Variants in WDR83 observed in about 807,000 individuals in gnomAD.
WDR83 encodes WD repeat domain-containing protein 83.
WDR83 carries 37 observed loss-of-function variants against 37.7 expected under a neutral mutation model. The observed-to-expected ratio is 0.98, with a 90% CI of 0.76 to 1.29. The LOEUF is 1.29. Ranked by LOEUF, WDR83 falls within the 50% of genes most tolerant of loss-of-function variation. The probability of loss-of-function intolerance (pLI) is 0.00; values close to 1 mark genes in which losing one functional copy is unlikely to be tolerated. For missense variants in WDR83, 445 were observed against 414.4 expected (o/e 1.07, Z -0.64); for synonymous variants, 174 against 181.1 (o/e 0.96, Z 0.31).
chr19:12,675,461 G>T, intron 10 of WDR83, 62 bp from the exon 11 acceptor site: 1 of 1,567,574 alleles, frequency 6.4e-7, no homozygotes, highest in Non-Finnish European at 8.6e-7. Flanking sequence ...GGTGCCCAGG[G>T]ACCTCAGAAA....
intron 10 of WDR83, among the ~76,000 whole-genome samples, chr19:12,674,885 G>C (rs1005723705): frequency 1.3e-5 from 2 of 152,016 alleles, no homozygotes; most frequent in Non-Finnish European, 2.9e-5. Flanking sequence ...GGAGGCCGAG[G>C]GGGGTGGATC....
Position 12,668,338 on chromosome 19 carries a change from T to C in WDR83, c.-156-170T>C. 1.9e-6 allele frequency: 3 copies of C among 1,604,772 alleles called. 1 individual carries two copies. The highest frequency in any genetic ancestry group is 2.2e-5 in the South Asian group (2 of 89,294). On this transcript the variant is annotated intron_variant, in intron 1 of 10. Coordinates refer to ENST00000418543, the MANE Select transcript of WDR83 (RefSeq NM_001099737.3). ...CCTAGTGGATAGACAGGGTCCAAAA[T>C]GTGACCCTTCTAGGCTGGTATCACC...
chr19:12,668,866 C>T (rs148273250), intron 2 of WDR83, among the ~76,000 whole-genome samples: 14 of 152,278 alleles, frequency 9.2e-5, no homozygotes, highest in South Asian at 2.1e-4. Context: ...AAGACCCTGC[C>T]CTTTTTCCAC....
At position 12,670,091 on chromosome 19, in the gene WDR83, C is replaced by A. The variant is rs1344221052; in HGVS notation, c.218C>A (p.Ala73Glu). The A allele has an allele frequency of 2.5e-6, 4 of 1,609,752 alleles. No individual in the cohort carries two copies. The highest frequency in any genetic ancestry group is 3.4e-6 in the Non-Finnish European group (4 of 1,177,252). Residue 73 changes from alanine (A) to glutamate (E), a missense_variant, in exon 4 of 11, where the codon GCG becomes GAG. Ala to Glu is a moderately radical substitution (Grantham distance 107). Transcript: ENST00000418543. ...GGCCACGGCTACGAGGTGCTGGATG[C>A]GGCCGGGTGAGCCGGGGACCAGGCT... The part of the protein sequence containing the change: ...YSGHGYEVLD[A>E]AGSFDNSSLC...
chr19:12,670,653 T>TCCCC, intron 6 of WDR83, 42 bp downstream of exon 6: 4 of 1,614,044 alleles, frequency 2.5e-6, no homozygotes, highest in Non-Finnish European at 3.4e-6. Flanking sequence ...GGTGCTGCCC[T>TCCCC]CCCCCTCCAA....
chr19:12,670,379 C>T, intron 5 of WDR83, 94 bp downstream of exon 5: 1 of 1,517,614 alleles, frequency 6.6e-7, no homozygotes, highest in Non-Finnish European at 9.0e-7. Context: ...CCGTAAGGAT[C>T]CCTTCCCCAG....
chr19:12,673,199 T>G lies in WDR83; in HGVS notation c.684-3T>G. 1 of 1,613,940 alleles carries G rather than the reference T, an allele frequency of 6.2e-7. No homozygotes were observed. The highest frequency in any genetic ancestry group is 8.5e-7 in the Non-Finnish European group (1 of 1,179,974). On this transcript the variant is annotated splice_polypyrimidine_tract_variant and splice_region_variant and intron_variant, in intron 9 of 10. Coordinates refer to ENST00000418543, the MANE Select transcript of WDR83 (RefSeq NM_001099737.3). ...CAAGCCCCCCGATCCTGTCCACCCT[T>G]AGGTACAAGGGCCATAAGAACCAGG...
chr19:12,669,155 G>A (rs1312231125), intron 2 of WDR83: 6 of 1,614,166 alleles, frequency 3.7e-6, no homozygotes, highest in Admixed American at 1.7e-5. Flanking sequence ...ACATGCTGAA[G>A]ATCATGCCCA....
chr19:12,674,797 C>T (rs1435844891), intron 10 of WDR83, among the ~76,000 whole-genome samples: 1 of 152,028 alleles, frequency 6.6e-6, no homozygotes, highest in African/African-American at 2.4e-5. Context: ...AGAGGAATAA[C>T]TGATAGAGGA....
chr19:12,675,608 C>T lies in WDR83; in HGVS notation c.884C>T (p.Ala295Val). Reference protein sequence around the residue: ...YHPTEPCLLTAMGGSVQCWRE... With the variant: ...YHPTEPCLLTVMGGSVQCWRE... ...CCAACAGAGCCCTGCCTGCTGACCG[C>T]CATGGGAGGCAGCGTCCAGTGCTGG... The change falls in exon 11 of 11, where the codon GCC becomes GTC. Residue 295 changes from alanine (A) to valine (V), a missense_variant. Physicochemically the swap from Ala to Val is moderately conservative, Grantham distance 64. Coordinates refer to ENST00000418543, the MANE Select transcript of WDR83 (RefSeq NM_001099737.3). 6.2e-7 allele frequency: 1 copy of T among 1,604,394 alleles called. No individual in the cohort carries two copies. Among genetic ancestry groups the T allele is most frequent in the Non-Finnish European group, 8.5e-7 (1 of 1,179,930 alleles).
Position 12,672,846 on chromosome 19 carries a change from G to A in WDR83, c.507-1G>A. 1 of 1,579,578 alleles carries A rather than the reference G, an allele frequency of 6.3e-7. No individual in the cohort carries two copies. The highest frequency in any genetic ancestry group is 1.2e-5 in the South Asian group (1 of 86,208). On this transcript the variant is annotated splice_acceptor_variant, in intron 7 of 10. Transcript: ENST00000418543. LOFTEE classifies it high-confidence loss of function. The stretch of plus-strand genomic sequence containing the variant: ...CCCGCTGGATCTACCCTCTCCTGCA[G>A]CTCCGTGGATGGCCGCGTGAGACGC...
rs2024394600 is a variant in WDR83 at position 12,670,838 on chromosome 19, C to T, written c.506+17C>T. ...CCTGGCAGGGTGAGTGGAGCCAGGA[C>T]CTGGTCTCACCCCAGGTGCTACGGG... is the stretch of plus-strand genomic sequence containing the variant. On this transcript the variant is annotated intron_variant, in intron 7 of 10. Coordinates refer to ENST00000418543, the MANE Select transcript of WDR83 (RefSeq NM_001099737.3). The T allele has an allele frequency of 6.2e-7, 1 of 1,607,980 alleles. No individual in the cohort carries two copies. Among genetic ancestry groups the T allele is most frequent in the Non-Finnish European group, 8.5e-7 (1 of 1,177,580 alleles).
rs764858011 is a variant in WDR83 at position 12,670,111 on chromosome 19, C to G, written c.224+14C>G. 63 of 1,608,492 alleles carry G rather than the reference C, an allele frequency of 3.9e-5. No homozygotes were observed. Among genetic ancestry groups the G allele is most frequent in the Middle Eastern group, 1.7e-4 (1 of 6,060 alleles). On this transcript the variant is annotated intron_variant, in intron 4 of 10. Transcript: ENST00000418543. ...GGATGCGGCCGGGTGAGCCGGGGAC[C>G]AGGCTGGGATGGGAGCGCTGAGGCT...
intron 7 of WDR83, chr19:12,671,252 CG>C (rs1185807084): frequency 5.9e-6 from 1 of 169,258 alleles, no homozygotes; most frequent in Admixed American, 5.7e-5. Flanking sequence ...CGCCTGAACC[CG>C]GGAGTTGGAG....
intron 2 of WDR83, chr19:12,669,001 C>A: frequency 2.1e-6 from 2 of 948,750 alleles, no homozygotes; most frequent in Non-Finnish European, 1.6e-6. Context: ...GTCATCGCAG[C>A]CCCACTCCCG....
At chr19:12,669,336 C>G in intron 2 of WDR83, 1 of 1,605,210 alleles carries the variant, frequency 6.2e-7, no homozygotes, top group Middle Eastern at 1.7e-4. Flanking sequence ...CCCGTGCCCA[C>G]GACGCTGGGG....
Position 12,668,605 on chromosome 19 carries a change from C to G in WDR83, c.-59C>G. 6.2e-7 allele frequency: 1 copy of G among 1,614,100 alleles called. No individual in the cohort carries two copies. Among genetic ancestry groups the G allele is most frequent in the South Asian group, 1.1e-5 (1 of 91,066 alleles). On this transcript the variant is annotated 5_prime_UTR_variant, in exon 2 of 11. Transcript: ENST00000418543. ...AAGGAGCAGTAGACAGCGACCCAAG[C>G]ACACCACTTCAGCTAGGGAAAGGTA...
chr19:12,672,925 C>G lies in WDR83; in HGVS notation c.574+11C>G. On this transcript the variant is annotated intron_variant, in intron 8 of 10. Coordinates refer to ENST00000418543, the MANE Select transcript of WDR83 (RefSeq NM_001099737.3). ...CAGACTACGTGGGCAGTGAGTGTGGCTGGGGATGTGGGACAGGCAGGGAAG... is the reference window on the plus strand; with the variant it reads ...CAGACTACGTGGGCAGTGAGTGTGGGTGGGGATGTGGGACAGGCAGGGAAG... 1 of 1,599,126 alleles carries G rather than the reference C, an allele frequency of 6.3e-7. No individual in the cohort carries two copies. The highest frequency in any genetic ancestry group is 8.5e-7 in the Non-Finnish European group (1 of 1,172,880).
At chr19:12,672,939 C>G (rs1428793960) in intron 8 of WDR83, 25 bp downstream of exon 8, 1 of 1,596,310 alleles carries the variant, frequency 6.3e-7, no homozygotes, top group Non-Finnish European at 8.5e-7. Flanking sequence ...GGATGTGGGA[C>G]AGGCAGGGAA....
Sources: gnomAD v4.1 joint callset for allele counts (sites outside exome capture counted in the v4.1 genomes callset) on GRCh38, gnomAD v4.1.1 for gene constraint, MANE v1.5 for transcripts, NCBI Gene and HGNC (gene_info 2026-07-23, HGNC 2026-07-21) for gene names.